PARP10: variants seen among roughly 807,000 people sequenced by gnomAD.
PARP10 encodes poly(ADP-ribose) polymerase family member 10.
Under a neutral mutation model 82.4 loss-of-function variants are expected in PARP10, and 56 were observed. The ratio of observed to expected loss-of-function variants is 0.68; its 90% CI spans 0.55 to 0.85. The LOEUF is 0.85. Ranked by LOEUF, PARP10 falls within the 40% of genes least tolerant of loss-of-function variation. The pLI is 0.00. For missense variants in PARP10, 1,227 were observed against 1,379.4 expected, an observed-to-expected ratio of 0.89 and a Z score of 1.75; for synonymous variants, 576 against 601.1, an observed-to-expected ratio of 0.96 and a Z score of 0.61.
chr8:144,001,613 G>A (rs1834203279), intron 1 of PARP10, among the ~76,000 whole-genome samples: 2 of 152,088 alleles, frequency 1.3e-5, no homozygotes. Flanking sequence ...GGCTGAGGCA[G>A]GAGAATCACT....
rs1359352104 is a variant in PARP10, at chr8:143,977,470, G to A, written c.*14C>T. Reference sequence around the variant, plus strand: ...GAGCCTGGGAAGCAGGAGGCCAGAGGGTGGCCCCTTCGGTTAAGTGTCTGG... The same window carrying A: ...GAGCCTGGGAAGCAGGAGGCCAGAGAGTGGCCCCTTCGGTTAAGTGTCTGG... On this transcript the variant is annotated 3_prime_UTR_variant, in exon 11 of 11. Transcript: ENST00000313028. 4 of 1,530,516 alleles carry A rather than the reference G, an allele frequency of 2.6e-6. No individual in the cohort carries two copies. Among genetic ancestry groups the A allele is most frequent in the Admixed American group, 2.0e-5 (1 of 50,176 alleles). The allele number at this position is 1,530,516 out of a possible 1,614,324, so 94.8% of individuals were successfully genotyped here.
chr8:143,984,347 G>T lies in PARP10; in HGVS notation c.1543C>A (p.Leu515Met), dbSNP rs1457774658. 2.5e-6 allele frequency: 4 copies of T among 1,613,646 alleles called. No individual in the cohort carries two copies. In the Admixed American group the frequency reaches 6.7e-5, roughly 27 times the overall value. ...AACCTGGCGCTGCCCGGGTGCTCCA[G>T]GCACAACACATGGCAGCTAATGCTG... The part of the protein sequence containing the change: ...LGSISCHVLC[L>M]EHPGSARFLL... The change falls in exon 6 of 11, where the codon CTG becomes ATG. Residue 515 changes from leucine to methionine, a missense_variant. Physicochemically the swap from Leu to Met is conservative, Grantham distance 15. Coordinates refer to ENST00000313028, the MANE Select transcript of PARP10 (RefSeq NM_032789.5).
chr8:144,002,174 A>G (rs1564261128), intron 1 of PARP10, among the ~76,000 whole-genome samples: 2 of 152,308 alleles, frequency 1.3e-5, no homozygotes, highest in East Asian at 3.9e-4. Context: ...ATTTTCCATA[A>G]TAAAAGATTT....
At chr8:143,988,062 C>G (rs1221896532), upstream of PARP10, among the ~76,000 whole-genome samples, 2 of 150,476 alleles carry the variant, frequency 1.3e-5, no homozygotes, top group Non-Finnish European at 3.0e-5. Flanking sequence ...GCCTCAGTAG[C>G]CTGGGACTGG....
At chr8:143,994,606 G>A (rs1356029814), upstream of PARP10, among the ~76,000 whole-genome samples, 3 of 152,156 alleles carry the variant, frequency 2.0e-5, no homozygotes, top group African/African-American at 4.8e-5. Context: ...CCTGAGTCAC[G>A]AGTGGGCTCC....
At position 143,986,364 on chromosome 8, in the gene PARP10, C is replaced by G. The variant is rs369233505; in HGVS notation, c.-5G>C. 2 of 1,614,174 alleles carry G rather than the reference C, an allele frequency of 1.2e-6. No homozygotes were observed. The highest frequency in any genetic ancestry group is 4.5e-5 in the East Asian group (2 of 44,882). On this transcript the variant is annotated 5_prime_UTR_variant, in exon 1 of 11. Coordinates refer to ENST00000313028, the MANE Select transcript of PARP10 (RefSeq NM_032789.5). ...CCCCACATACAGCACTTACATTCCC[C>G]GTGGCCGCTAGGCAGCCTCAGGCCA...
upstream of PARP10, among the ~76,000 whole-genome samples, chr8:143,994,432 C>T (rs1554751087): frequency 1.3e-5 from 2 of 152,162 alleles, no homozygotes; most frequent in African/African-American, 2.4e-5. Flanking sequence ...ACATCAATCA[C>T]ATCCGTTGCA....
chr8:143,991,662 TG>T (rs781816408), upstream of PARP10: 25 of 1,591,584 alleles, frequency 1.6e-5, no homozygotes, highest in Admixed American at 3.2e-4. Context: ...TGCTTGTGAG[TG>T]GCGCTGACCC....
upstream of PARP10, chr8:143,992,618 G>A: frequency 6.2e-7 from 1 of 1,614,108 alleles, no homozygotes; most frequent in African/African-American, 1.3e-5. Flanking sequence ...CGTGAGTGAG[G>A]GGTGACCTTG....
chr8:143,983,980 T>C (rs1487651469), intron 7 of PARP10, 28 bp downstream of exon 7: 3 of 1,495,690 alleles, frequency 2.0e-6, no homozygotes, highest in Non-Finnish European at 2.7e-6. Flanking sequence ...GGCCACAGGA[T>C]GTGCTGAGGG....
chr8:144,003,948 T>C (rs1437157252), intron 1 of PARP10, among the ~76,000 whole-genome samples: 1 of 151,938 alleles, frequency 6.6e-6, no homozygotes, highest in Non-Finnish European at 1.5e-5. Context: ...GGCAGGAAGA[T>C]CACTTGTGCC....
chr8:143,988,577 T>TG (rs1442279050), upstream of PARP10, among the ~76,000 whole-genome samples: 1 of 151,884 alleles, frequency 6.6e-6, no homozygotes, highest in Admixed American at 6.6e-5. Context: ...GCCATTCTCC[T>TG]GCCTCAGCCC....
intron 9 of PARP10, among the ~76,000 whole-genome samples, chr8:143,979,269 G>A (rs1554747124): frequency 1.3e-5 from 2 of 151,896 alleles, no homozygotes; most frequent in African/African-American, 4.8e-5. Context: ...CACCGCAGCT[G>A]GCCAACCCTG....
chr8:144,012,377 A>T, intron 1 of PARP10: 1 of 676,292 alleles, frequency 1.5e-6, no homozygotes, highest in South Asian at 1.9e-5. Flanking sequence ...ACAGCCTCTG[A>T]CCTCACAATA....
upstream of PARP10, chr8:143,992,632 G>A (rs782019546): frequency 4.3e-6 from 7 of 1,613,916 alleles, no homozygotes; most frequent in Admixed American, 3.3e-5. Flanking sequence ...GACCTTGGCC[G>A]GGGGCGGGAT....
intron 1 of PARP10, among the ~76,000 whole-genome samples, chr8:144,005,634 G>A (rs536200583): frequency 5.9e-5 from 9 of 152,054 alleles, no homozygotes; most frequent in East Asian, 3.8e-4. Flanking sequence ...TGGCCCGGCC[G>A]TCCCCTCCCC....
upstream of PARP10, chr8:143,991,222 C>A: frequency 6.4e-7 from 1 of 1,573,024 alleles, no homozygotes; most frequent in Non-Finnish European, 8.6e-7. Context: ...GAACCCGAGG[C>A]CATGTCCCAT....
chr8:144,012,630 T>A, exon 1 of PARP10: 7 of 1,551,652 alleles, frequency 4.5e-6, no homozygotes, highest in Middle Eastern at 3.3e-4. Flanking sequence ...CGAGCTCAAG[T>A]CAGCGATCAA....
intron 9 of PARP10, among the ~76,000 whole-genome samples, chr8:143,980,319 CAAAAAAAAAAAA>C (rs564801582): frequency 9.1e-3 from 146 of 16,094 alleles, no homozygotes; most frequent in African/African-American, 0.014. Context: ...GATTCCGTCT[CAAAAAAAAAAAA>C]AAAAAAAAAA....
Sources: gnomAD v4.1 joint callset for allele counts (sites outside exome capture counted in the v4.1 genomes callset) on GRCh38, gnomAD v4.1.1 for gene constraint, MANE v1.5 for transcripts, NCBI Gene and HGNC (gene_info 2026-07-23, HGNC 2026-07-21) for gene names.